The following NEGR1 variants were observed in gnomAD, a reference collection of about 807,000 sequenced individuals.
NEGR1 encodes neuronal growth regulator 1, also known as IgLON family member 4.
In NEGR1, 10 loss-of-function variants were observed where a neutral mutation model predicts 40.9. That is an observed-to-expected ratio of 0.24 (90% CI 0.15 to 0.42). The LOEUF (loss-of-function observed/expected upper bound fraction) is 0.42, where lower values mean the gene tolerates loss of function less well. Among genes scored for constraint, NEGR1 ranks in the 10% least tolerant of loss-of-function variants. NEGR1 has a pLI of 1.00. For missense variants in NEGR1, 352 were observed against 438.9 expected, an observed-to-expected ratio of 0.80 and a Z score of 1.77; for synonymous variants, 185 against 166.8, an observed-to-expected ratio of 1.11 and a Z score of -0.84.
At chr1:71,501,681 C>T (rs1647000309) in intron 6 of NEGR1, among the ~76,000 whole-genome samples, 2 of 151,722 alleles carry the variant, frequency 1.3e-5, no homozygotes. Context: ...TCAAAGAATG[C>T]CAAAATCTAC....
At chr1:71,676,651 C>G (rs1652650207) in intron 4 of NEGR1, among the ~76,000 whole-genome samples, 1 of 152,198 alleles carries the variant, frequency 6.6e-6, no homozygotes. Flanking sequence ...TATCTCTTCT[C>G]AATGTAACCC....
At chr1:72,111,089 C>CGT (rs1649352273) in intron 1 of NEGR1, among the ~76,000 whole-genome samples, 1 of 141,472 alleles carries the variant, frequency 7.1e-6, no homozygotes, top group Non-Finnish European at 1.5e-5. Flanking sequence ...TATATATACA[C>CGT]ACACACACAC....
intron 4 of NEGR1, among the ~76,000 whole-genome samples, chr1:71,668,359 T>C (rs931274093): frequency 6.6e-6 from 1 of 152,198 alleles, no homozygotes; most frequent in East Asian, 1.9e-4. Context: ...GAAGCAGCAA[T>C]TGAGAGCTAG....
intron 2 of NEGR1, among the ~76,000 whole-genome samples, chr1:71,828,768 T>G (rs137867171): frequency 4.6e-5 from 7 of 152,094 alleles, no homozygotes; most frequent in African/African-American, 1.7e-4. Context: ...GAGCTGCTGT[T>G]TGTTCTGATT....
chr1:72,046,842 C>G (rs1206771536), intron 1 of NEGR1, among the ~76,000 whole-genome samples: 2 of 151,506 alleles, frequency 1.3e-5, no homozygotes, highest in African/African-American at 4.8e-5. Flanking sequence ...AAAATTAACA[C>G]AGATAAGATG....
intron 1 of NEGR1, among the ~76,000 whole-genome samples, chr1:71,993,191 C>T (rs1293242306): frequency 2.6e-5 from 4 of 152,162 alleles, no homozygotes; most frequent in African/African-American, 4.8e-5. Context: ...TTTCCACACC[C>T]TAGTCAGGGA....
chr1:71,496,937 C>T (rs1358707373), intron 6 of NEGR1, among the ~76,000 whole-genome samples: 3 of 152,166 alleles, frequency 2.0e-5, no homozygotes, highest in African/African-American at 4.8e-5. Flanking sequence ...ATTTTCACTA[C>T]TGGAAAATTG....
intron 1 of NEGR1, among the ~76,000 whole-genome samples, chr1:72,126,589 C>T (rs1650033029): frequency 6.6e-6 from 1 of 152,126 alleles, no homozygotes; most frequent in Non-Finnish European, 1.5e-5. Flanking sequence ...GACAGTTTTT[C>T]ACCATCCCTG....
At chr1:71,462,386 A>G (rs1197782350) in intron 6 of NEGR1, among the ~76,000 whole-genome samples, 1 of 152,146 alleles carries the variant, frequency 6.6e-6, no homozygotes, top group Non-Finnish European at 1.5e-5. Context: ...GTAGAGGGCA[A>G]TGGAGATGCA....
At chr1:71,771,402 C>G (rs898909215) in intron 3 of NEGR1, among the ~76,000 whole-genome samples, 6 of 151,854 alleles carry the variant, frequency 4.0e-5, no homozygotes, top group Non-Finnish European at 8.8e-5. Flanking sequence ...ACCTATGTAA[C>G]AAAACTGCAC....
At chr1:72,076,545 T>A (rs1647745316) in intron 1 of NEGR1, among the ~76,000 whole-genome samples, 1 of 128,456 alleles carries the variant, frequency 7.8e-6, no homozygotes, top group East Asian at 2.8e-4. Flanking sequence ...TTCTCAGATC[T>A]GAATTACACC....
chr1:71,410,581 A>C (rs935894681), intron 6 of NEGR1, among the ~76,000 whole-genome samples: 1 of 152,190 alleles, frequency 6.6e-6, no homozygotes, highest in Non-Finnish European at 1.5e-5. Context: ...AACAGTTACA[A>C]ATACAATTAT....
intron 2 of NEGR1, among the ~76,000 whole-genome samples, chr1:71,874,456 A>T (rs1660367663): frequency 6.6e-6 from 1 of 152,134 alleles, no homozygotes; most frequent in Non-Finnish European, 1.5e-5. Context: ...CTGTCTAGCA[A>T]GGTTTGTGGG....
intron 6 of NEGR1, among the ~76,000 whole-genome samples, chr1:71,502,050 C>T (rs553820349): frequency 6.6e-6 from 1 of 152,052 alleles, no homozygotes; most frequent in East Asian, 1.9e-4. Context: ...CTAGATGTGC[C>T]CTATGGTTAT....
At chr1:71,814,589 A>G (rs1258424427) in intron 2 of NEGR1, among the ~76,000 whole-genome samples, 2 of 152,004 alleles carry the variant, frequency 1.3e-5, no homozygotes, top group South Asian at 2.1e-4. Context: ...GAATTTCAGA[A>G]CTTATTATTG....
At chr1:72,183,850 T>G (rs1258228399) in intron 1 of NEGR1, among the ~76,000 whole-genome samples, 1 of 152,120 alleles carries the variant, frequency 6.6e-6, no homozygotes, top group Non-Finnish European at 1.5e-5. Context: ...GAGCTGACAT[T>G]TGAGATTGGC....
intron 1 of NEGR1, among the ~76,000 whole-genome samples, chr1:72,175,572 G>C (rs1336962650): frequency 1.3e-5 from 2 of 151,986 alleles, no homozygotes; most frequent in Non-Finnish European, 2.9e-5. Context: ...ATTGCATTGA[G>C]GTGTCTAGGA....
At chr1:71,651,247 G>A (rs1328916638) in intron 4 of NEGR1, among the ~76,000 whole-genome samples, 2 of 152,136 alleles carry the variant, frequency 1.3e-5, no homozygotes, top group African/African-American at 4.8e-5. Context: ...TGCTTGTAGA[G>A]AGTCTGTTTG....
In NEGR1 at chr1:71,592,732, G is replaced by A. The variant is rs1016219636; in HGVS notation, c.940+85C>T. On this transcript the variant is annotated intron_variant, in intron 6 of 6. Coordinates refer to ENST00000357731, the MANE Select transcript of NEGR1 (RefSeq NM_173808.3). ...CATCAGGTTGAGTTTTAAAATGAAC[G>A]TACTCCATTCTTAGGTTTTATCTCT... 7 of 1,026,516 alleles carry A rather than the reference G, an allele frequency of 6.8e-6. 1 individual carries two copies. The highest frequency in any genetic ancestry group is 2.3e-5 in the Admixed American group (1 of 44,000). 63.6% of individuals were successfully genotyped at this position (1,026,516 alleles called of 1,614,324 possible). A position where few individuals can be genotyped will look rare whatever the true frequency, so the allele number is the denominator to read the frequency against.
Sources: allele counts gnomAD v4.1 joint callset (sites outside exome capture counted in the v4.1 genomes callset), GRCh38; gene constraint gnomAD v4.1.1; transcripts MANE v1.5; gene names NCBI Gene and HGNC (gene_info 2026-07-23, HGNC 2026-07-21).